The following RAD51 variants were observed in gnomAD, a reference collection of about 807,000 sequenced individuals.
RAD51 encodes RAD51 recombinase, also known as DNA repair protein RAD51 homolog 1.
Under a neutral mutation model 41.5 loss-of-function variants are expected in RAD51, and 14 were observed. That is an observed-to-expected ratio of 0.34 (90% CI 0.22 to 0.53). The LOEUF (loss-of-function observed/expected upper bound fraction) is 0.53, where lower values mean the gene tolerates loss of function less well. Ranked by LOEUF, RAD51 falls within the 20% of genes least tolerant of loss-of-function variation. The probability of loss-of-function intolerance (pLI) is 0.95; values close to 1 mark genes in which losing one functional copy is unlikely to be tolerated. For missense variants in RAD51, 234 were observed against 422.0 expected (o/e 0.55, Z 3.90); for synonymous variants, 136 against 148.6 (o/e 0.92, Z 0.62).
rs34445444 is a variant in RAD51, at chr15:40,695,221, C to T, written c.-207C>T. The T allele has an allele frequency of 0.034, 5,104 of 152,282 alleles. 277 individuals carry two copies. The highest frequency in any genetic ancestry group is 0.12 in the African/African-American group (4,853 of 41,456). The allele number at this position is 152,282 out of a possible 1,614,324, so 9.4% of individuals were successfully genotyped here. ...CCGCGCGCAGCGGCCAGAGACCGAG[C>T]CCTAAGGAGAGTGCGGCGCTTCCCG... On this transcript the variant is annotated 5_prime_UTR_variant, in exon 1 of 10. Transcript: ENST00000267868.
intron 2 of RAD51, among the ~76,000 whole-genome samples, chr15:40,700,801 A>G (rs376419815): frequency 2.9e-4 from 36 of 126,106 alleles, no homozygotes; most frequent in African/African-American, 9.2e-4. Flanking sequence ...CTACATATCA[A>G]AAAAAAGTAT....
At chr15:40,715,114 T>A (rs1895920405) in intron 5 of RAD51, among the ~76,000 whole-genome samples, 1 of 152,158 alleles carries the variant, frequency 6.6e-6, no homozygotes, top group South Asian at 2.1e-4. Flanking sequence ...TCCCAGCACT[T>A]TGGGAGGCTG....
chr15:40,697,846 T>A (rs556513182), intron 1 of RAD51, among the ~76,000 whole-genome samples: 1 of 152,150 alleles, frequency 6.6e-6, no homozygotes, highest in Admixed American at 6.5e-5. Flanking sequence ...CCACTCCACC[T>A]GGCCCAAGAT....
intron 5 of RAD51, among the ~76,000 whole-genome samples, chr15:40,709,492 A>C (rs1335588140): frequency 1.3e-5 from 2 of 148,772 alleles, no homozygotes; most frequent in African/African-American, 2.5e-5. Flanking sequence ...TCCTTCATCA[A>C]CCTCCCGAGT....
Position 40,731,427 on chromosome 15 carries a change from G to T in RAD51, c.*249G>T. ...GTGTGTTTTCTTTGGTTTTGGAGGA[G>T]GGGTATGAAGTATCTTTGACATGGT... On this transcript the variant is annotated 3_prime_UTR_variant, in exon 10 of 10. Coordinates refer to ENST00000267868, the MANE Select transcript of RAD51 (RefSeq NM_002875.5). 1 of 497,790 alleles carries T rather than the reference G, an allele frequency of 2.0e-6. No individual in the cohort carries two copies. Among genetic ancestry groups the T allele is most frequent in the Non-Finnish European group, 3.6e-6 (1 of 277,326 alleles). The allele number at this position is 497,790 out of a possible 1,614,324, so 30.8% of individuals were successfully genotyped here.
chr15:40,723,007 C>T (rs1173944373), intron 6 of RAD51, among the ~76,000 whole-genome samples: 1 of 152,006 alleles, frequency 6.6e-6, no homozygotes, highest in African/African-American at 2.4e-5. Context: ...TATAACCCAA[C>T]AATAAAAAGA....
In RAD51 at chr15:40,731,672, G is replaced by T. The variant is rs915870463; in HGVS notation, c.*494G>T. ...TTAAGTTGTCTGTCTGAATGATCTT[G>T]TGTAAGGTTTTGGTTATGGAGTCTT... On this transcript the variant is annotated 3_prime_UTR_variant, in exon 10 of 10. Transcript: ENST00000267868. The T allele has an allele frequency of 1.6e-5, 4 of 245,464 alleles. No homozygotes were observed. Among genetic ancestry groups the T allele is most frequent in the Middle Eastern group, 1.3e-3 (1 of 796 alleles). The allele number at this position is 245,464 out of a possible 1,614,324, so 15.2% of individuals were successfully genotyped here. A position where few individuals can be genotyped will look rare whatever the true frequency, so the allele number is the denominator to read the frequency against.
At chr15:40,702,559 C>G (rs1895070695) in intron 3 of RAD51, among the ~76,000 whole-genome samples, 1 of 152,118 alleles carries the variant, frequency 6.6e-6, no homozygotes, top group Non-Finnish European at 1.5e-5. Context: ...GTCACCCAGG[C>G]TGGAGCACAA....
chr15:40,728,374 G>A (rs1350334895), intron 6 of RAD51, among the ~76,000 whole-genome samples: 3 of 151,892 alleles, frequency 2.0e-5, no homozygotes, highest in Non-Finnish European at 2.9e-5. Flanking sequence ...GGAGAATCGC[G>A]TGAACCCAGG....
In RAD51 at chr15:40,731,123, A is replaced by T; in HGVS notation, c.965A>T (p.Glu322Val). ...CKIYDSPCLP[E>V]AEAMFAINAD... ...ATCTACGACTCTCCCTGTCTTCCTG[A>T]AGCTGAAGCTATGTTCGCCATTAAT... is the stretch of plus-strand genomic sequence containing the variant. Residue 322 changes from glutamate (E) to valine (V), a missense_variant, in exon 10 of 10, where the codon GAA becomes GTA. By Grantham distance (121) the Glu-to-Val change is moderately radical (BLOSUM62 -2). This residue lies in a region of RAD51 where 134 missense variants were observed against 286.5 expected (regional missense o/e 0.47). Coordinates refer to ENST00000267868, the MANE Select transcript of RAD51 (RefSeq NM_002875.5). 1 of 1,614,146 alleles carries T rather than the reference A, an allele frequency of 6.2e-7. No individual in the cohort carries two copies. The highest frequency in any genetic ancestry group is 8.5e-7 in the Non-Finnish European group (1 of 1,180,000).
chr15:40,730,511 A>ATTTTTTTCTTTTT (rs1567056473), intron 9 of RAD51, among the ~76,000 whole-genome samples: 2 of 86,138 alleles, frequency 2.3e-5, no homozygotes, highest in East Asian at 1.2e-3. Context: ...TCTTGAAAAA[A>ATTTTTTTCTTTTT]TTTTTTTTCT....
chr15:40,727,594 G>T (rs1294599101), intron 6 of RAD51, among the ~76,000 whole-genome samples: 1 of 152,142 alleles, frequency 6.6e-6, no homozygotes, highest in East Asian at 1.9e-4. Flanking sequence ...GGGATTACAG[G>T]TGTGAGCCAC....
intron 2 of RAD51, among the ~76,000 whole-genome samples, chr15:40,700,042 C>T (rs936796089): frequency 6.6e-5 from 10 of 152,186 alleles, no homozygotes; most frequent in Admixed American, 5.2e-4. Flanking sequence ...AGTTCAGAGT[C>T]ATAACTTCTG....
intron 3 of RAD51, 81 bp downstream of exon 3, chr15:40,701,282 ATC>A (rs774177402): frequency 4.6e-5 from 68 of 1,481,986 alleles, no homozygotes; most frequent in Non-Finnish European, 6.4e-5. Flanking sequence ...TCTTCCTTCT[ATC>A]TCTTATTCTT....
In RAD51 at chr15:40,718,817, C is replaced by G; in HGVS notation, c.448C>G (p.Arg150Gly). 6.2e-7 allele frequency: 1 copy of G among 1,611,048 alleles called. No individual in the cohort carries two copies. Among genetic ancestry groups the G allele is most frequent in the Non-Finnish European group, 8.5e-7 (1 of 1,177,416 alleles). Residue 150 changes from arginine (R) to glycine (G), a missense_variant, in exon 6 of 10, where the codon CGG becomes GGG. Coordinates refer to ENST00000267868, the MANE Select transcript of RAD51 (RefSeq NM_002875.5). ...TTGTTCTCTATAGCTTCCCATTGACCGGGGTGGAGGTGAAGGAAAGGCCAT... is the reference window on the plus strand; with the variant it reads ...TTGTTCTCTATAGCTTCCCATTGACGGGGGTGGAGGTGAAGGAAAGGCCAT... Reference protein sequence around the residue: ...LAVTCQLPIDRGGGEGKAMYI... With the variant: ...LAVTCQLPIDGGGGEGKAMYI...
chr15:40,718,494 G>T (rs1896097846), intron 5 of RAD51, among the ~76,000 whole-genome samples: 1 of 150,960 alleles, frequency 6.6e-6, no homozygotes, highest in South Asian at 2.1e-4. Context: ...CTCCAGCCTG[G>T]GCAACAGTGA....
At chr15:40,708,939 T>C in intron 4 of RAD51, 86 bp from the exon 5 acceptor site, 1 of 1,189,260 alleles carries the variant, frequency 8.4e-7, no homozygotes, top group South Asian at 1.2e-5. Context: ...ATAAACATCT[T>C]TCTGATGAGC....
chr15:40,709,143 A>G (rs2141836659), intron 5 of RAD51, 27 bp downstream of exon 5: 1 of 1,566,386 alleles, frequency 6.4e-7, no homozygotes, highest in Non-Finnish European at 8.8e-7. Flanking sequence ...ATAGCTAATC[A>G]AATAAGCAAG....
At chr15:40,729,100 C>T (rs561069177) in intron 7 of RAD51, among the ~76,000 whole-genome samples, 7 of 152,094 alleles carry the variant, frequency 4.6e-5, no homozygotes, top group East Asian at 1.9e-4. Flanking sequence ...AGGCCGGGCG[C>T]GGTGGCTCAA....
Sources: allele counts gnomAD v4.1 joint callset (sites outside exome capture counted in the v4.1 genomes callset), GRCh38; gene constraint gnomAD v4.1.1; regional missense constraint gnomAD v4.1.1; transcripts MANE v1.5; gene names NCBI Gene and HGNC (gene_info 2026-07-23, HGNC 2026-07-21).